Variants in KDM4C observed in about 807,000 individuals in gnomAD.
The protein encoded by KDM4C is lysine demethylase 4C.
In KDM4C, 81 loss-of-function variants were observed where a neutral mutation model predicts 129.3. The observed-to-expected ratio is 0.63, with a 90% CI of 0.52 to 0.75. The LOEUF is 0.75. KDM4C is among the 30% of genes least tolerant of loss of function. KDM4C has a pLI of 0.00. For missense variants in KDM4C, 1,457 were observed against 1,304.0 expected (o/e 1.12, Z -1.81); for synonymous variants, 573 against 456.1 (o/e 1.26, Z -3.26).
Position 6,761,850 on chromosome 9 carries a change from C to T in KDM4C, c.-18+3647C>T, listed in dbSNP as rs139750542. Among the ~76,000 whole-genome samples the T allele has an allele frequency of 9.3e-4, 141 of 151,080 alleles. 2 individuals carry two copies. The highest frequency in any genetic ancestry group is 1.5e-3 in the Admixed American group (23 of 15,196). On this transcript the variant is annotated intron_variant, in intron 1 of 21. Coordinates refer to ENST00000381309, the MANE Select transcript of KDM4C (RefSeq NM_015061.6). Reference sequence around the variant, plus strand: ...TTTTTGAGATGGAGTCTCCCTCTGTCGCCCAGGCTGGAGTGCAGTGGCATG... The same window carrying T: ...TTTTTGAGATGGAGTCTCCCTCTGTTGCCCAGGCTGGAGTGCAGTGGCATG...
intron 8 of KDM4C, among the ~76,000 whole-genome samples, chr9:6,931,126 C>T (rs10815482): frequency 6.6e-6 from 1 of 151,302 alleles, no homozygotes; most frequent in Non-Finnish European, 1.5e-5. Flanking sequence ...CTTCTCACCC[C>T]CCCCACACAA....
At chr9:6,848,706 C>T (rs1326577371) in intron 4 of KDM4C, among the ~76,000 whole-genome samples, 1 of 152,074 alleles carries the variant, frequency 6.6e-6, no homozygotes. Flanking sequence ...TCTAATCAAA[C>T]CAGAATCTTT....
intron 20 of KDM4C, among the ~76,000 whole-genome samples, chr9:7,166,531 C>G (rs972525256): frequency 6.6e-6 from 1 of 151,986 alleles, no homozygotes; most frequent in Non-Finnish European, 1.5e-5. Flanking sequence ...GATACAAATT[C>G]AAGTTATTTA....
chr9:6,734,633 A>G (rs761774037), intron 1 of KDM4C: 2 of 262,820 alleles, frequency 7.6e-6, no homozygotes, highest in Non-Finnish European at 1.5e-5. Flanking sequence ...GCATTTGGAG[A>G]TAACATACTT....
intron 1 of KDM4C, among the ~76,000 whole-genome samples, chr9:6,721,586 CTTTT>C (rs59463106): frequency 1.6e-5 from 2 of 127,242 alleles, no homozygotes; most frequent in Admixed American, 1.6e-4. Flanking sequence ...GCCCGGCCCT[CTTTT>C]TTTTTTTTTT....
At chr9:7,111,401 T>G (rs988929697) in intron 18 of KDM4C, among the ~76,000 whole-genome samples, 12 of 152,238 alleles carry the variant, frequency 7.9e-5, no homozygotes, top group African/African-American at 2.9e-4. Context: ...CGAAAAATTC[T>G]GAAATAATTC....
At chr9:6,978,908 C>G (rs925374296) in intron 8 of KDM4C, 3 of 152,048 alleles carry the variant, frequency 2.0e-5, no homozygotes, top group Non-Finnish European at 4.4e-5. Context: ...TTCATAGCAT[C>G]ATCTGAGCAA....
chr9:6,899,973 C>G (rs1817114275), intron 8 of KDM4C, among the ~76,000 whole-genome samples: 1 of 152,166 alleles, frequency 6.6e-6, no homozygotes, highest in Non-Finnish European at 1.5e-5. Context: ...TTTTGAATAA[C>G]TTCTATACTC....
At chr9:6,845,192 A>G in intron 4 of KDM4C, among the ~76,000 whole-genome samples, 1 of 152,032 alleles carries the variant, frequency 6.6e-6, no homozygotes, top group East Asian at 1.9e-4. Context: ...CCTAGTTGAG[A>G]CATTGAAGAT....
intron 1 of KDM4C, among the ~76,000 whole-genome samples, chr9:6,732,824 C>G (rs1443719695): frequency 6.6e-6 from 1 of 152,074 alleles, no homozygotes; most frequent in East Asian, 1.9e-4. Context: ...ACCAGCCTGG[C>G]CAGCATGGCG....
At chr9:7,039,131 A>T (rs1187661882) in intron 15 of KDM4C, among the ~76,000 whole-genome samples, 2 of 151,866 alleles carry the variant, frequency 1.3e-5, no homozygotes, top group African/African-American at 2.4e-5. Context: ...TTTTCTTATA[A>T]TACTTTTATA....
intron 17 of KDM4C, among the ~76,000 whole-genome samples, chr9:7,068,394 CTCAA>C (rs964708991): frequency 1.6e-4 from 24 of 152,248 alleles, no homozygotes; most frequent in Middle Eastern, 3.4e-3. Flanking sequence ...ATTTGATCAC[CTCAA>C]TTTTACTAAA....
chr9:7,061,484 G>C (rs1054213718), intron 17 of KDM4C, among the ~76,000 whole-genome samples: 2 of 152,230 alleles, frequency 1.3e-5, no homozygotes, highest in Admixed American at 6.5e-5. Context: ...GCAGAAGCCT[G>C]GTGCTGGTGG....
intron 21 of KDM4C, 58 bp downstream of exon 21, chr9:7,169,948 C>T: frequency 6.2e-7 from 1 of 1,610,178 alleles, no homozygotes; most frequent in African/African-American, 1.3e-5. Context: ...GTCCTCACCT[C>T]ATGTTTCCCA....
intron 4 of KDM4C, among the ~76,000 whole-genome samples, chr9:6,838,965 A>T (rs751343149): frequency 6.6e-6 from 1 of 152,196 alleles, no homozygotes; most frequent in Non-Finnish European, 1.5e-5. Flanking sequence ...TATGGTGTGA[A>T]ATGGATTGAA....
chr9:6,917,233 G>C (rs752245996), intron 8 of KDM4C, among the ~76,000 whole-genome samples: 1 of 152,010 alleles, frequency 6.6e-6, no homozygotes, highest in African/African-American at 2.4e-5. Flanking sequence ...GCACCATATA[G>C]GTATCCATAT....
In KDM4C at chr9:6,875,495, G is replaced by T. The variant is rs147657230; in HGVS notation, c.630-4517G>T. 2.6e-3 allele frequency among the ~76,000 whole-genome samples: 400 copies of T among 152,278 alleles called. 2 individuals carry two copies. Among genetic ancestry groups the T allele is most frequent in the African/African-American group, 9.1e-3 (379 of 41,550 alleles). On this transcript the variant is annotated intron_variant, in intron 5 of 21. Coordinates refer to ENST00000381309, the MANE Select transcript of KDM4C (RefSeq NM_015061.6). ...ATTTTGTCCTGGTGCCTGGTAGGTAGAACTATGAAGTAATCTTAGAAATGT... is the reference window on the plus strand; with the variant it reads ...ATTTTGTCCTGGTGCCTGGTAGGTATAACTATGAAGTAATCTTAGAAATGT...
intron 11 of KDM4C, among the ~76,000 whole-genome samples, chr9:6,989,158 T>C (rs529904183): frequency 8.5e-4 from 130 of 152,344 alleles, no homozygotes; most frequent in Middle Eastern, 3.4e-3. Flanking sequence ...ATAGCTGTCA[T>C]CGTATATTGC....
chr9:7,144,149 C>T (rs138991488), intron 19 of KDM4C, among the ~76,000 whole-genome samples: 27 of 150,600 alleles, frequency 1.8e-4, no homozygotes, highest in African/African-American at 6.6e-4. Context: ...CTAGGTCTTG[C>T]TGTGTTGTCC....
Sources: allele counts gnomAD v4.1 joint callset (sites outside exome capture counted in the v4.1 genomes callset), GRCh38; gene constraint gnomAD v4.1.1; transcripts MANE v1.5; gene names NCBI Gene and HGNC (gene_info 2026-07-23, HGNC 2026-07-21).